CEP128: variants seen among roughly 807,000 people sequenced by gnomAD.
CEP128 encodes the protein centrosomal protein 128kDa.
Under a neutral mutation model 156.7 loss-of-function variants are expected in CEP128, and 132 were observed. The ratio of observed to expected loss-of-function variants is 0.84; its 90% CI spans 0.73 to 0.97. The LOEUF (loss-of-function observed/expected upper bound fraction) is 0.97, where lower values mean the gene tolerates loss of function less well. Ranked by LOEUF, CEP128 falls within the 50% of genes least tolerant of loss-of-function variation. The pLI is 0.00. For missense variants in CEP128, 1,252 were observed against 1,281.9 expected (o/e 0.98, Z 0.36); for synonymous variants, 469 against 448.9 (o/e 1.04, Z -0.57).
At chr14:80,650,218 G>C (rs1391573003) in intron 19 of CEP128, among the ~76,000 whole-genome samples, 6 of 152,078 alleles carry the variant, frequency 3.9e-5, no homozygotes, top group Non-Finnish European at 7.4e-5. Flanking sequence ...CTCTCTGTTT[G>C]TCTATTATTG....
intron 2 of CEP128, among the ~76,000 whole-genome samples, chr14:80,953,150 A>G (rs1886501632): frequency 6.6e-6 from 1 of 152,232 alleles, no homozygotes; most frequent in Admixed American, 6.5e-5. Flanking sequence ...TTATTCTGTG[A>G]TGGAAGAATT....
chr14:80,953,677 C>G (rs1033301225), intron 2 of CEP128, among the ~76,000 whole-genome samples: 3 of 152,194 alleles, frequency 2.0e-5, no homozygotes, highest in African/African-American at 7.2e-5. Flanking sequence ...AAATCGATCA[C>G]TATGATTCAC....
At chr14:80,877,560 T>C (rs900832322) in intron 8 of CEP128, among the ~76,000 whole-genome samples, 2 of 152,146 alleles carry the variant, frequency 1.3e-5, no homozygotes, top group African/African-American at 4.8e-5. Context: ...AAAAAACACA[T>C]TTTGAACCAA....
At chr14:80,943,272 T>C (rs1438899208), upstream of CEP128, among the ~76,000 whole-genome samples, 2 of 152,190 alleles carry the variant, frequency 1.3e-5, no homozygotes, top group South Asian at 2.1e-4. Flanking sequence ...CTCAGAGCCA[T>C]GTGAGAGAAA....
In CEP128 at chr14:80,595,530, A is replaced by G. The variant is rs192369800; in HGVS notation, c.2807-15107T>C. On this transcript the variant is annotated intron_variant, in intron 19 of 24. Coordinates refer to ENST00000555265, the MANE Select transcript of CEP128 (RefSeq NM_152446.5). ...ATAAACAGAGAAAGTTTCTGTTTCA[A>G]TTTGATGATATGGTGGTATCACATA... 1.2e-3 allele frequency among the ~76,000 whole-genome samples: 187 copies of G among 152,318 alleles called. 4 individuals are homozygous for G. The Middle Eastern group carries it at 0.027, about 22-fold the overall frequency.
chr14:80,511,127 T>C (rs1246556495), intron 23 of CEP128, among the ~76,000 whole-genome samples: 1 of 151,720 alleles, frequency 6.6e-6, no homozygotes, highest in African/African-American at 2.4e-5. Context: ...CCTCATAGAA[T>C]GAGTTTGGGA....
intron 19 of CEP128, among the ~76,000 whole-genome samples, chr14:80,681,678 T>C (rs1896329808): frequency 6.6e-6 from 1 of 152,214 alleles, no homozygotes; most frequent in Non-Finnish European, 1.5e-5. Flanking sequence ...CCTGCCGCCT[T>C]ATGAAGAAGG....
At chr14:80,700,791 G>A (rs887214896) in intron 19 of CEP128, among the ~76,000 whole-genome samples, 1 of 152,046 alleles carries the variant, frequency 6.6e-6, no homozygotes, top group Non-Finnish European at 1.5e-5. Context: ...AAGCACAATA[G>A]GCTTGTAAAC....
intron 2 of CEP128, among the ~76,000 whole-genome samples, chr14:80,928,066 A>G (rs1427957775): frequency 6.6e-6 from 1 of 152,222 alleles, no homozygotes; most frequent in African/African-American, 2.4e-5. Context: ...CTAGGTGACA[A>G]TCAACTATAA....
intron 19 of CEP128, among the ~76,000 whole-genome samples, chr14:80,679,276 G>A (rs1595202204): frequency 2.0e-5 from 3 of 152,264 alleles, no homozygotes; most frequent in Middle Eastern, 3.4e-3. Context: ...CTGCCTGCGG[G>A]GTCAGGCAGA....
chr14:80,720,415 G>A (rs912136384), intron 19 of CEP128, among the ~76,000 whole-genome samples: 2 of 152,194 alleles, frequency 1.3e-5, no homozygotes, highest in East Asian at 3.8e-4. Context: ...ATGATTAAAT[G>A]TGGATAAGGA....
rs151117115 is a variant in CEP128, at chr14:80,796,269, G to A, written c.1210-3159C>T. 1.0e-3 allele frequency among the ~76,000 whole-genome samples: 158 copies of A among 152,204 alleles called. 1 individual carries two copies. In the East Asian group the frequency reaches 0.021, roughly 20 times the overall value. ...AGCCCAGGAGTTCGAGATTAGCCTGGGCAACATAGCGAAACTCCTGTCTCT... is the reference window on the plus strand; with the variant it reads ...AGCCCAGGAGTTCGAGATTAGCCTGAGCAACATAGCGAAACTCCTGTCTCT... On this transcript the variant is annotated intron_variant, in intron 13 of 24. Transcript: ENST00000555265.
chr14:80,596,819 C>CAAAAAAAA lies in CEP128; in HGVS notation c.2807-16404_2807-16397dup, dbSNP rs57402112. Among the ~76,000 whole-genome samples the CAAAAAAAA allele has an allele frequency of 3.1e-3, 44 of 14,054 alleles. 14 individuals carry two copies. Among genetic ancestry groups the CAAAAAAAA allele is most frequent in the African/African-American group, 0.019 (44 of 2,276 alleles). 9.2% of individuals were successfully genotyped at this position (14,054 alleles called of 152,430 possible). A position where few individuals can be genotyped will look rare whatever the true frequency, so the allele number is the denominator to read the frequency against. On this transcript the variant is annotated intron_variant, in intron 19 of 24. Coordinates refer to ENST00000555265, the MANE Select transcript of CEP128 (RefSeq NM_152446.5). ...TCTGAGTAACAGTGAGACACTGTCA[C>CAAAAAAAA]AAAAAAAAAAAAAAAAAAAAAAAGG... is the stretch of plus-strand genomic sequence containing the variant.
chr14:80,951,690 T>C lies in CEP128; in HGVS notation c.-172+6488A>G, dbSNP rs1206359800. 2.0e-5 allele frequency among the ~76,000 whole-genome samples: 3 copies of C among 152,062 alleles called. No individual in the cohort carries two copies. In the East Asian group the frequency reaches 5.8e-4, roughly 29 times the overall value. ...ATAATGACATTAAATGTAAATGATC[T>C]ATACAAACCAAACAAAAGGCAGAGA... On this transcript the variant is annotated intron_variant, in intron 2 of 7. Transcript: ENST00000555529.
intron 24 of CEP128, among the ~76,000 whole-genome samples, chr14:80,502,183 C>T (rs1887769524): frequency 6.6e-6 from 1 of 152,178 alleles, no homozygotes; most frequent in Non-Finnish European, 1.5e-5. Context: ...GCTGCTAACA[C>T]CACCGGCTTG....
chr14:80,633,446 C>T (rs1894049648), intron 19 of CEP128, among the ~76,000 whole-genome samples: 1 of 152,158 alleles, frequency 6.6e-6, no homozygotes, highest in Admixed American at 6.5e-5. Flanking sequence ...AGCTCACAAG[C>T]TCTCCTGTTT....
intron 18 of CEP128, among the ~76,000 whole-genome samples, chr14:80,750,398 CTTT>C (rs76032457): frequency 1.3e-5 from 2 of 150,084 alleles, no homozygotes; most frequent in Non-Finnish European, 3.0e-5. Context: ...TGAAACTCTA[CTTT>C]TTTTTTTATC....
At chr14:80,675,501 T>G (rs1896023414) in intron 19 of CEP128, among the ~76,000 whole-genome samples, 1 of 152,044 alleles carries the variant, frequency 6.6e-6, no homozygotes, top group African/African-American at 2.4e-5. Context: ...GGGATTTTAT[T>G]GAATTACTAA....
intron 21 of CEP128, among the ~76,000 whole-genome samples, chr14:80,557,986 G>A (rs139409057): frequency 4.0e-5 from 6 of 151,510 alleles, no homozygotes; most frequent in Non-Finnish European, 7.4e-5. Flanking sequence ...ATATTAGCAC[G>A]GCAATATTTA....
Sources: allele counts gnomAD v4.1 joint callset (sites outside exome capture counted in the v4.1 genomes callset), GRCh38; gene constraint gnomAD v4.1.1; transcripts MANE v1.5; gene names NCBI Gene and HGNC (gene_info 2026-07-23, HGNC 2026-07-21).